The following DLGAP1 variants were observed in gnomAD, a reference collection of about 807,000 sequenced individuals.
DLGAP1 encodes the protein DLG associated protein 1.
DLGAP1 carries 11 observed loss-of-function variants against 90.8 expected under a neutral mutation model. The observed-to-expected ratio is 0.12, with a 90% CI of 0.08 to 0.20. The LOEUF (loss-of-function observed/expected upper bound fraction) is 0.20. DLGAP1 is among the 10% of genes least tolerant of loss of function. The probability of loss-of-function intolerance (pLI) is 1.00; values close to 1 mark genes in which losing one functional copy is unlikely to be tolerated. For synonymous variants in DLGAP1, 558 were observed against 540.7 expected (o/e 1.03, Z -0.44); for missense variants, 1,050 against 1,333.8 (o/e 0.79, Z 3.31).
intron 7 of DLGAP1, among the ~76,000 whole-genome samples, chr18:3,633,404 A>G (rs1419311182): frequency 6.8e-6 from 1 of 147,636 alleles, no homozygotes; most frequent in African/African-American, 2.6e-5. Flanking sequence ...TTCATCTCAA[A>G]AAAAAAAAAA....
At chr18:3,584,996 T>A (rs1433113808) in intron 7 of DLGAP1, among the ~76,000 whole-genome samples, 1 of 152,150 alleles carries the variant, frequency 6.6e-6, no homozygotes, top group Non-Finnish European at 1.5e-5. Flanking sequence ...CAAGCGATCC[T>A]CCCATCTTGG....
At chr18:3,698,073 G>A (rs1034570076) in intron 7 of DLGAP1, among the ~76,000 whole-genome samples, 1 of 152,084 alleles carries the variant, frequency 6.6e-6, no homozygotes, top group Non-Finnish European at 1.5e-5. Context: ...TTGAGCCTAT[G>A]TGTGTCTTTG....
intron 3 of DLGAP1, among the ~76,000 whole-genome samples, chr18:3,931,533 T>C (rs955827239): frequency 6.6e-6 from 1 of 152,194 alleles, no homozygotes; most frequent in African/African-American, 2.4e-5. Flanking sequence ...CTCAATAGGA[T>C]AAGGTAGGAC....
At chr18:4,255,706 T>A (rs530104245) in intron 1 of DLGAP1, among the ~76,000 whole-genome samples, 111 of 152,108 alleles carry the variant, frequency 7.3e-4, no homozygotes, top group African/African-American at 2.5e-3. Flanking sequence ...GGTCTAACAC[T>A]GAAGCCAGGA....
At chr18:3,629,587 G>A (rs556283931) in intron 7 of DLGAP1, among the ~76,000 whole-genome samples, 20 of 152,036 alleles carry the variant, frequency 1.3e-4, no homozygotes, top group Admixed American at 5.2e-4. Flanking sequence ...CAGGAGAATG[G>A]CGTGAACCCG....
intron 2 of DLGAP1, among the ~76,000 whole-genome samples, chr18:4,136,883 G>C (rs1033168418): frequency 2.6e-5 from 4 of 151,766 alleles, no homozygotes; most frequent in African/African-American, 9.7e-5. Context: ...TTATATTTCA[G>C]TTTTTATTCA....
chr18:3,841,953 G>T (rs1001919355), intron 4 of DLGAP1, among the ~76,000 whole-genome samples: 10 of 152,132 alleles, frequency 6.6e-5, no homozygotes, highest in Admixed American at 1.3e-4. Flanking sequence ...TAAGATAGAA[G>T]AAGCATGATA....
chr18:4,419,819 A>AT (rs1229895230), intron 1 of DLGAP1, among the ~76,000 whole-genome samples: 3 of 152,122 alleles, frequency 2.0e-5, no homozygotes, highest in Non-Finnish European at 2.9e-5. Context: ...AAAATGCTAA[A>AT]TTTTTACAAG....
chr18:3,886,411 T>C (rs1199709492), intron 3 of DLGAP1, among the ~76,000 whole-genome samples: 1 of 152,212 alleles, frequency 6.6e-6, no homozygotes, highest in Non-Finnish European at 1.5e-5. Context: ...TTTATCCTTT[T>C]TGTTACAAAC....
chr18:4,432,173 G>C (rs891701308), intron 1 of DLGAP1, among the ~76,000 whole-genome samples: 3 of 152,166 alleles, frequency 2.0e-5, no homozygotes, highest in Non-Finnish European at 2.9e-5. Context: ...TAAGTGGTGA[G>C]GAAAAGCTTA....
intron 1 of DLGAP1, among the ~76,000 whole-genome samples, chr18:4,155,880 C>A (rs1317291972): frequency 6.6e-6 from 1 of 152,106 alleles, no homozygotes; most frequent in African/African-American, 2.4e-5. Flanking sequence ...TGGTTTGGAA[C>A]AGTACATAGG....
At chr18:3,785,810 C>T (rs2065425172) in intron 5 of DLGAP1, among the ~76,000 whole-genome samples, 1 of 152,112 alleles carries the variant, frequency 6.6e-6, no homozygotes, top group South Asian at 2.1e-4. Flanking sequence ...AAAAGCTTCG[C>T]CCTATGCCTT....
intron 4 of DLGAP1, among the ~76,000 whole-genome samples, chr18:3,837,285 G>A (rs895318319): frequency 7.2e-5 from 11 of 152,000 alleles, no homozygotes; most frequent in African/African-American, 2.4e-4. Flanking sequence ...ATAATTTAGA[G>A]TTTATTTTCT....
At chr18:3,821,198 G>A (rs2067386846) in intron 4 of DLGAP1, among the ~76,000 whole-genome samples, 1 of 146,146 alleles carries the variant, frequency 6.8e-6, no homozygotes, top group Non-Finnish European at 1.5e-5. Flanking sequence ...GCTGAGACAA[G>A]AGGATTGCTT....
At chr18:3,592,896 AAAAG>A (rs1467114425) in intron 7 of DLGAP1, among the ~76,000 whole-genome samples, 1 of 149,150 alleles carries the variant, frequency 6.7e-6, no homozygotes, top group African/African-American at 2.5e-5. Flanking sequence ...AAGAAAAAGA[AAAAG>A]AAAAAGAAAA....
chr18:3,563,752 AGCCACCGT>A (rs2054279974), intron 9 of DLGAP1, among the ~76,000 whole-genome samples: 1 of 152,156 alleles, frequency 6.6e-6, no homozygotes. Context: ...TACAGGCATG[AGCCACCGT>A]GCCCAGCTGA....
At chr18:4,183,420 T>C (rs963829122) in intron 1 of DLGAP1, among the ~76,000 whole-genome samples, 6 of 152,130 alleles carry the variant, frequency 3.9e-5, no homozygotes, top group African/African-American at 1.4e-4. Flanking sequence ...GAACATTTCA[T>C]TGTATATTAT....
At chr18:4,066,978 T>C (rs1479679842) in intron 2 of DLGAP1, among the ~76,000 whole-genome samples, 3 of 152,172 alleles carry the variant, frequency 2.0e-5, no homozygotes, top group African/African-American at 4.8e-5. Flanking sequence ...ATATACACCA[T>C]GGAATACTAT....
intron 1 of DLGAP1, among the ~76,000 whole-genome samples, chr18:4,385,138 C>T (rs1384403746): frequency 2.0e-5 from 3 of 152,070 alleles, no homozygotes; most frequent in African/African-American, 7.2e-5. Context: ...GAAATAGAAC[C>T]CAGACTTACT....
Sources: allele counts gnomAD v4.1 joint callset (sites outside exome capture counted in the v4.1 genomes callset), GRCh38; gene constraint gnomAD v4.1.1; transcripts MANE v1.5; gene names NCBI Gene and HGNC (gene_info 2026-07-23, HGNC 2026-07-21).